The following PPARG variants were observed in gnomAD, a reference collection of about 807,000 sequenced individuals.
The protein encoded by PPARG is peroxisome proliferator-activated receptor gamma.
A neutral mutation model predicts 39.2 loss-of-function variants in PPARG; 17 were observed. The observed-to-expected ratio is 0.43, with a 90% CI of 0.30 to 0.65. The LOEUF is 0.65. Among genes scored for constraint, PPARG ranks in the 30% least tolerant of loss-of-function variants. PPARG has a pLI of 0.13. For missense variants in PPARG, 406 were observed against 585.9 expected (o/e 0.69, Z 3.17); for synonymous variants, 223 against 215.7 (o/e 1.03, Z -0.30).
chr3:12,387,567 TG>T (rs2049923800), intron 4 of PPARG, among the ~76,000 whole-genome samples: 1 of 152,208 alleles, frequency 6.6e-6, no homozygotes, highest in Non-Finnish European at 1.5e-5. Flanking sequence ...TTGATGGGGT[TG>T]TTTTTTTCTT....
At chr3:12,398,085 C>G (rs955554765) in intron 5 of PPARG, among the ~76,000 whole-genome samples, 3 of 152,090 alleles carry the variant, frequency 2.0e-5, no homozygotes, top group African/African-American at 2.4e-5. Context: ...CCCTGCTCTT[C>G]CTTTTCTATG....
chr3:12,324,377 T>G (rs753125785), intron 2 of PPARG, among the ~76,000 whole-genome samples: 2 of 152,126 alleles, frequency 1.3e-5, no homozygotes, highest in Non-Finnish European at 2.9e-5. Context: ...GAGGTTGATG[T>G]GCCTGCTGTG....
intron 2 of PPARG, among the ~76,000 whole-genome samples, chr3:12,342,931 A>T (rs538489836): frequency 6.6e-6 from 1 of 152,338 alleles, no homozygotes; most frequent in South Asian, 2.1e-4. Flanking sequence ...TAGTATCTTT[A>T]AAAACCACCA....
chr3:12,367,583 T>A (rs901232475), intron 2 of PPARG, among the ~76,000 whole-genome samples: 2 of 151,982 alleles, frequency 1.3e-5, no homozygotes, highest in East Asian at 3.9e-4. Context: ...GCATAGTGAC[T>A]CATGCCTGTA....
At chr3:12,419,771 T>C (rs1168176136) in intron 7 of PPARG, among the ~76,000 whole-genome samples, 3 of 152,162 alleles carry the variant, frequency 2.0e-5, no homozygotes, top group Non-Finnish European at 4.4e-5. Context: ...CCAGACTATT[T>C]ATCTACTATT....
intron 2 of PPARG, among the ~76,000 whole-genome samples, chr3:12,327,409 A>G (rs184951073): frequency 4.6e-5 from 7 of 152,246 alleles, no homozygotes; most frequent in African/African-American, 1.7e-4. Flanking sequence ...TAAGAAGTCC[A>G]GTAAAGAGAA....
intron 5 of PPARG, chr3:12,399,263 T>A (rs180697914): frequency 1.2e-5 from 5 of 423,990 alleles, no homozygotes; most frequent in Admixed American, 1.1e-4. Flanking sequence ...TGTTTAAATG[T>A]CCTCTACAAA....
chr3:12,384,459 T>C (rs1383998351), intron 4 of PPARG, among the ~76,000 whole-genome samples: 1 of 152,156 alleles, frequency 6.6e-6, no homozygotes, highest in Non-Finnish European at 1.5e-5. Flanking sequence ...TGAATTCTTA[T>C]TCTGATTTTT....
In PPARG at chr3:12,340,713, A is replaced by G. The variant is rs539056365; in HGVS notation, c.-9+28260A>G. 2.0e-4 allele frequency among the ~76,000 whole-genome samples: 30 copies of G among 152,354 alleles called. 1 individual carries two copies. The highest frequency in any genetic ancestry group is 3.3e-4 in the Admixed American group (5 of 15,300). ...AATCTTGGACTCTTTTCCTAAAGCTATGCAGACATACAACATAACTTTGGA... is the reference window on the plus strand; with the variant it reads ...AATCTTGGACTCTTTTCCTAAAGCTGTGCAGACATACAACATAACTTTGGA... On this transcript the variant is annotated intron_variant, in intron 2 of 7. Coordinates refer to ENST00000651735, the MANE Select transcript of PPARG (RefSeq NM_138711.6).
chr3:12,400,001 T>A (rs907489246), intron 5 of PPARG, among the ~76,000 whole-genome samples: 8 of 150,372 alleles, frequency 5.3e-5, no homozygotes, highest in South Asian at 2.1e-4. Context: ...AAAAAAAAAA[T>A]TTTAAAGAGA....
At chr3:12,317,764 G>A (rs1314233039) in intron 2 of PPARG, among the ~76,000 whole-genome samples, 1 of 152,072 alleles carries the variant, frequency 6.6e-6, no homozygotes, top group Non-Finnish European at 1.5e-5. Context: ...TTAATTTTAT[G>A]ACATTTCAAA....
At chr3:12,288,798 C>G (rs1202450780), upstream of PPARG, 1 of 152,302 alleles carries the variant, frequency 6.6e-6, no homozygotes, top group Admixed American at 6.5e-5. Context: ...AGCCAGGACC[C>G]CCAGCCGCAC....
intron 2 of PPARG, among the ~76,000 whole-genome samples, chr3:12,361,728 G>A (rs1349575708): frequency 6.6e-6 from 1 of 152,184 alleles, no homozygotes; most frequent in Admixed American, 6.5e-5. Flanking sequence ...CTTAAGTACT[G>A]TAACTTTATA....
intron 4 of PPARG, 27 bp downstream of exon 4, chr3:12,381,518 AATTGT>A: frequency 6.2e-7 from 1 of 1,606,716 alleles, no homozygotes; most frequent in Non-Finnish European, 8.5e-7. Flanking sequence ...TCTTCAAAGA[AATTGT>A]TGAAACTTTA....
At chr3:12,415,930 T>C (rs1275202917) in intron 6 of PPARG, among the ~76,000 whole-genome samples, 2 of 152,208 alleles carry the variant, frequency 1.3e-5, no homozygotes, top group Non-Finnish European at 2.9e-5. Context: ...GAAAAAGAAA[T>C]TTTAAGAAAA....
intron 6 of PPARG, among the ~76,000 whole-genome samples, chr3:12,408,286 G>C (rs898008543): frequency 1.3e-5 from 2 of 152,178 alleles, no homozygotes; most frequent in African/African-American, 4.8e-5. Flanking sequence ...GAAAATTTTT[G>C]TGCTGTTCTG....
intron 2 of PPARG, among the ~76,000 whole-genome samples, chr3:12,362,595 G>A (rs1169486644): frequency 1.3e-5 from 2 of 151,774 alleles, no homozygotes; most frequent in African/African-American, 2.4e-5. Flanking sequence ...ACAAAATACA[G>A]TCATGTCATC....
intron 4 of PPARG, among the ~76,000 whole-genome samples, chr3:12,383,272 C>A (rs1036275862): frequency 2.0e-5 from 3 of 152,144 alleles, no homozygotes; most frequent in African/African-American, 7.2e-5. Flanking sequence ...GAGATGCTTT[C>A]ATTTAAAACA....
chr3:12,326,538 C>T (rs928201730), intron 2 of PPARG, among the ~76,000 whole-genome samples: 3 of 152,028 alleles, frequency 2.0e-5, no homozygotes, highest in African/African-American at 7.3e-5. Flanking sequence ...TTTTACATAG[C>T]GCTGTTTTGG....
Sources: allele counts gnomAD v4.1 joint callset (sites outside exome capture counted in the v4.1 genomes callset), GRCh38; gene constraint gnomAD v4.1.1; transcripts MANE v1.5; gene names NCBI Gene and HGNC (gene_info 2026-07-23, HGNC 2026-07-21).